Variants in MSL3 observed in about 807,000 individuals in gnomAD.
MSL3 encodes MSL complex subunit 3.
MSL3 carries 5 observed loss-of-function variants against 37.2 expected under a neutral mutation model. The ratio of observed to expected loss-of-function variants is 0.13; its 90% CI spans 0.07 to 0.28. The LOEUF (loss-of-function observed/expected upper bound fraction) is 0.28. Among genes scored for constraint, MSL3 ranks in the 10% least tolerant of loss-of-function variants. MSL3 has a pLI of 1.00. For missense variants in MSL3, 315 were observed against 408.5 expected, an observed-to-expected ratio of 0.77 and a Z score of 1.97; for synonymous variants, 149 against 147.6, an observed-to-expected ratio of 1.01 and a Z score of -0.07.
At chrX:11,773,901 C>CA (rs2053252408) in intron 12 of MSL3, among the ~76,000 whole-genome samples, 1 of 112,159 alleles carries the variant, frequency 8.9e-6, no homozygotes, top group African/African-American at 3.2e-5. Flanking sequence ...GTTAGCTATC[C>CA]AATGAGTTTT....
chrX:11,764,521 TAA>T (rs1448426837), intron 8 of MSL3, among the ~76,000 whole-genome samples: 1 of 111,116 alleles, frequency 9.0e-6, no homozygotes, highest in Non-Finnish European at 1.9e-5. Flanking sequence ...TCCTGCAACC[TAA>T]AGTCTTTCCC....
In MSL3 at chrX:11,765,518, A is replaced by C. The variant is rs771849848; in HGVS notation, c.960A>C (p.Pro320=). 5.7e-5 allele frequency: 69 copies of C among 1,206,548 alleles called. No homozygotes were observed. Among genetic ancestry groups the C allele is most frequent in the Non-Finnish European group, 7.6e-5 (68 of 893,528 alleles). ...CGCCTTTGTTGAATCCATCCACGCC[A>C]CAGTCCACAGAGAGTCAGCCGACCA... ...PSPPLLNPST[P]QSTESQPTTG... Residue 320 remains proline, a synonymous_variant, in exon 9 of 13, where the codon CCA becomes CCC. Transcript: ENST00000312196.
At chrX:11,758,211 C>A (rs2053087954), upstream of MSL3, 2 of 414,375 alleles carry the variant, frequency 4.8e-6, no homozygotes, top group Admixed American at 5.0e-5. Flanking sequence ...CGCCCTCCCC[C>A]ACCGCGCGCG....
At chrX:11,762,321 A>G in intron 6 of MSL3, 69 bp downstream of exon 6, 1 of 945,041 alleles carries the variant, frequency 1.1e-6, no homozygotes, top group Non-Finnish European at 1.4e-6. Flanking sequence ...TTGCAATCAT[A>G]GACGTAAGCA....
intron 1 of MSL3, chrX:11,758,589 C>T (rs1482987030): frequency 3.6e-6 from 4 of 1,117,949 alleles, no homozygotes; most frequent in South Asian, 4.4e-5. Flanking sequence ...GGCGCACGCG[C>T]GGTTGGGAGC....
In MSL3 at chrX:11,774,965, AT is replaced by A. The variant is rs754284086; in HGVS notation, c.1467-5del. 6.1e-4 allele frequency: 637 copies of A among 1,040,783 alleles called. No individual in the cohort carries two copies. The highest frequency in any genetic ancestry group is 1.8e-3 in the Middle Eastern group (6 of 3,364). 85.8% of individuals were successfully genotyped at this position (1,040,783 alleles called of 1,213,427 possible). A position where few individuals can be genotyped will look rare whatever the true frequency, so the allele number is the denominator to read the frequency against. On this transcript the variant is annotated splice_polypyrimidine_tract_variant and intron_variant, in intron 12 of 12. Coordinates refer to ENST00000312196, the MANE Select transcript of MSL3 (RefSeq NM_078629.4). ...CCTTAGTATGGTGCTCATTGGGGCT[AT>A]TTTTTTTTTCCAGGTTTTTAGCAGA...
intron 10 of MSL3, among the ~76,000 whole-genome samples, chrX:11,771,687 C>T (rs981279629): frequency 3.7e-4 from 41 of 112,204 alleles, no homozygotes; most frequent in African/African-American, 1.3e-3. Context: ...TCAGGTGATT[C>T]TCCTGCCTCA....
At chrX:11,765,907 G>A (rs931062301) in intron 9 of MSL3, 178 bp downstream of exon 9, 15 of 1,096,248 alleles carry the variant, frequency 1.4e-5, no homozygotes, top group East Asian at 1.2e-4. Flanking sequence ...AACACCTGGC[G>A]CAGATTGCAG....
chrX:11,770,530 C>A (rs767429963), intron 10 of MSL3, among the ~76,000 whole-genome samples: 2 of 111,511 alleles, frequency 1.8e-5, no homozygotes, highest in Non-Finnish European at 3.8e-5. Flanking sequence ...GCGGCTCTCA[C>A]AAGGACTCAT....
chrX:11,761,185 T>G (rs1205048583), intron 4 of MSL3: 2 of 363,066 alleles, frequency 5.5e-6, no homozygotes, highest in Non-Finnish European at 9.5e-6. Context: ...CATGGGTGTG[T>G]TCTCATGGGA....
rs909681527 is a variant in MSL3 at position 11,775,322 on chromosome X, G to A, written c.*243G>A. On this transcript the variant is annotated 3_prime_UTR_variant, in exon 13 of 13. Transcript: ENST00000312196. Reference sequence around the variant, plus strand: ...GGCCATCTGTGATGGCAAGGAAAAAGCAACTATGTTCACAGTGAAATATTC... The same window carrying A: ...GGCCATCTGTGATGGCAAGGAAAAAACAACTATGTTCACAGTGAAATATTC... 2 of 337,168 alleles carry A rather than the reference G, an allele frequency of 5.9e-6. No individual in the cohort carries two copies. Among genetic ancestry groups the A allele is most frequent in the East Asian group, 9.8e-5 (2 of 20,407 alleles). 27.8% of individuals were successfully genotyped at this position (337,168 alleles called of 1,213,427 possible).
At chrX:11,763,633 C>G in intron 7 of MSL3, 147 bp from the exon 8 acceptor site, 1 of 442,954 alleles carries the variant, frequency 2.3e-6, no homozygotes, top group Non-Finnish European at 3.9e-6. Flanking sequence ...ACAGTAGCTA[C>G]AAATCCATTT....
chrX:11,764,049 A>G, intron 8 of MSL3, 111 bp downstream of exon 8: 1 of 697,735 alleles, frequency 1.4e-6, no homozygotes, highest in South Asian at 3.3e-5. Flanking sequence ...TGGAGGAGGG[A>G]AGGAAATGAA....
At chrX:11,771,906 A>G (rs1268127185) in intron 10 of MSL3, among the ~76,000 whole-genome samples, 3 of 112,245 alleles carry the variant, frequency 2.7e-5, no homozygotes. Context: ...CAATAAAGAG[A>G]AAGGACTAAA....
At position 11,765,758 on chromosome X, in the gene MSL3, G is replaced by A. The variant is rs147621824; in HGVS notation, c.1171+29G>A. 14 of 1,204,223 alleles carry A rather than the reference G, an allele frequency of 1.2e-5. No homozygotes were observed. In the African/African-American group the frequency reaches 1.4e-4, roughly 12 times the overall value. On this transcript the variant is annotated intron_variant, in intron 9 of 12. Coordinates refer to ENST00000312196, the MANE Select transcript of MSL3 (RefSeq NM_078629.4). ...GGTTCATTCTCGGGTGCCCCAGGCC[G>A]GGGAGAGCCAGCGTGTACTTTGTGT...
At chrX:11,770,713 C>T (rs1277175980) in intron 10 of MSL3, among the ~76,000 whole-genome samples, 3 of 111,722 alleles carry the variant, frequency 2.7e-5, no homozygotes, top group Admixed American at 9.5e-5. Flanking sequence ...GGGAATCCCC[C>T]GACTAGAAAC....
intron 9 of MSL3, chrX:11,766,344 T>C: frequency 1.3e-6 from 1 of 751,680 alleles, no homozygotes; most frequent in Non-Finnish European, 1.6e-6. Context: ...AACTTAGAAG[T>C]AAACCACTGC....
At position 11,767,155 on chromosome X, in the gene MSL3, G is replaced by C. The variant is rs180950633; in HGVS notation, c.1172-1418G>C. The C allele has an allele frequency of 1.1e-5, 8 of 752,929 alleles. No individual in the cohort carries two copies. In the Admixed American group the frequency reaches 4.4e-4, roughly 41 times the overall value. 62.0% of individuals were successfully genotyped at this position (752,929 alleles called of 1,213,427 possible). A position where few individuals can be genotyped will look rare whatever the true frequency, so the allele number is the denominator to read the frequency against. ...GTCACCCCATCACAGCTCAGTGTTG[G>C]TGGCATAGTTCCAGGTGCGTGAAAG... On this transcript the variant is annotated intron_variant, in intron 9 of 12. Transcript: ENST00000312196.
intron 9 of MSL3, chrX:11,768,177 AC>A (rs200665316): frequency 3.9e-5 from 5 of 129,374 alleles, no homozygotes; most frequent in Non-Finnish European, 7.3e-5. Context: ...CATTTTCAGC[AC>A]CCCCCCACGA....
Sources: allele counts gnomAD v4.1 joint callset (sites outside exome capture counted in the v4.1 genomes callset), GRCh38; gene constraint gnomAD v4.1.1; transcripts MANE v1.5; gene names NCBI Gene and HGNC (gene_info 2026-07-23, HGNC 2026-07-21).